The following PACRG variants were observed in gnomAD, a reference collection of about 807,000 sequenced individuals.
PACRG encodes the protein parkin coregulated.
PACRG carries 29 observed loss-of-function variants against 29.7 expected under a neutral mutation model. The observed-to-expected ratio is 0.98, with a 90% CI of 0.73 to 1.33. The LOEUF (loss-of-function observed/expected upper bound fraction) is 1.33, where lower values mean the gene tolerates loss of function less well. Among genes scored for constraint, PACRG ranks in the 40% most tolerant of loss-of-function variants. The pLI is 0.00. For synonymous variants in PACRG, 116 were observed against 118.7 expected, an observed-to-expected ratio of 0.98 and a Z score of 0.15; for missense variants, 279 against 316.2, an observed-to-expected ratio of 0.88 and a Z score of 0.89.
Position 162,808,278 on chromosome 6 carries a change from A to G in PACRG, c.157-5869A>G, listed in dbSNP as rs572477851. Among the ~76,000 whole-genome samples the G allele has an allele frequency of 3.3e-5, 5 of 152,350 alleles. No homozygotes were observed. The South Asian group carries it at 8.3e-4, about 25-fold the overall frequency. On this transcript the variant is annotated intron_variant, in intron 1 of 4. Coordinates refer to ENST00000366888, the MANE Select transcript of PACRG (RefSeq NM_001080379.2). ...CAGGTCTTGCCCACCCGTTTATAAC[A>G]ATGGCGTTTTCATGAATCAGAATTT... is the stretch of plus-strand genomic sequence containing the variant.
chr6:163,009,067 T>G (rs1228925431), intron 2 of PACRG, among the ~76,000 whole-genome samples: 1 of 152,226 alleles, frequency 6.6e-6, no homozygotes, highest in Non-Finnish European at 1.5e-5. Flanking sequence ...GCAAAATTAC[T>G]CTGAATATAA....
chr6:163,139,891 T>C (rs1432863111), intron 4 of PACRG, among the ~76,000 whole-genome samples: 1 of 152,216 alleles, frequency 6.6e-6, no homozygotes, highest in Non-Finnish European at 1.5e-5. Flanking sequence ...CTCAACTGAA[T>C]GTTCTTGCTT....
chr6:163,094,201 T>C (rs1221248201), intron 4 of PACRG, among the ~76,000 whole-genome samples: 1 of 152,258 alleles, frequency 6.6e-6, no homozygotes, highest in African/African-American at 2.4e-5. Flanking sequence ...TTGATGTATG[T>C]AAATGTTATT....
At chr6:162,797,004 C>T (rs889090364) in intron 1 of PACRG, among the ~76,000 whole-genome samples, 3 of 152,332 alleles carry the variant, frequency 2.0e-5, no homozygotes, top group African/African-American at 2.4e-5. Context: ...TGGCTGGGCA[C>T]AGTGGCTCAC....
At chr6:163,293,577 C>T (rs1393642724) in intron 4 of PACRG, among the ~76,000 whole-genome samples, 1 of 152,160 alleles carries the variant, frequency 6.6e-6, no homozygotes, top group Non-Finnish European at 1.5e-5. Context: ...TATTACCTAC[C>T]TACCCATAGT....
intron 2 of PACRG, among the ~76,000 whole-genome samples, chr6:162,884,304 T>G (rs963576136): frequency 1.3e-5 from 2 of 152,190 alleles, no homozygotes; most frequent in African/African-American, 4.8e-5. Flanking sequence ...TTTTTCAAAC[T>G]GTAACAAATC....
Position 163,007,382 on chromosome 6 carries a change from C to G in PACRG, c.292-54768C>G, listed in dbSNP as rs542924324. On this transcript the variant is annotated intron_variant, in intron 2 of 4. Transcript: ENST00000366888. ...ATGCTCTTCATTCCTTTATGTAGCT[C>G]CAGACTTTCATCTGGTGTCATTTTC... Among the ~76,000 whole-genome samples the G allele has an allele frequency of 3.3e-5, 5 of 152,260 alleles. No homozygotes were observed. The South Asian group carries it at 8.3e-4, about 25-fold the overall frequency.
intron 2 of PACRG, among the ~76,000 whole-genome samples, chr6:162,823,581 G>A (rs188155115): frequency 0.024 from 3,540 of 150,064 alleles, 142 homozygotes; most frequent in African/African-American, 0.08. Flanking sequence ...GTGCAATCTC[G>A]GCTCACTGCA....
At chr6:162,792,574 T>C (rs909967644) in intron 1 of PACRG, among the ~76,000 whole-genome samples, 1 of 152,120 alleles carries the variant, frequency 6.6e-6, no homozygotes, top group Non-Finnish European at 1.5e-5. Flanking sequence ...ACACAGGCCC[T>C]GAAATGGGAT....
intron 4 of PACRG, among the ~76,000 whole-genome samples, chr6:163,291,473 G>A (rs1309990633): frequency 2.6e-5 from 4 of 152,238 alleles, no homozygotes; most frequent in Non-Finnish European, 5.9e-5. Flanking sequence ...GCTGGCCTGC[G>A]GGGCATCTGC....
rs142688506 is a variant in PACRG at position 162,930,365 on chromosome 6, A to G, written c.291+116084A>G. On this transcript the variant is annotated intron_variant, in intron 2 of 4. Transcript: ENST00000366888. ...ATTCTTTGTAACTTTTGTAGATGGGATTACTTTCTTGATTTCTTTTTCAGA... is the reference window on the plus strand; with the variant it reads ...ATTCTTTGTAACTTTTGTAGATGGGGTTACTTTCTTGATTTCTTTTTCAGA... Among the ~76,000 whole-genome samples the G allele has an allele frequency of 2.2e-3, 332 of 151,732 alleles. 2 individuals carry two copies. Among genetic ancestry groups the G allele is most frequent in the African/African-American group, 7.5e-3 (312 of 41,436 alleles).
At chr6:162,975,271 A>G (rs1014984225) in intron 2 of PACRG, among the ~76,000 whole-genome samples, 23 of 152,236 alleles carry the variant, frequency 1.5e-4, no homozygotes, top group African/African-American at 5.1e-4. Context: ...CTTAATTATC[A>G]TAGACAGTAC....
intron 4 of PACRG, among the ~76,000 whole-genome samples, chr6:163,274,009 T>A (rs1283749934): frequency 6.6e-6 from 1 of 152,212 alleles, no homozygotes. Context: ...ATCTTTATTA[T>A]GTTGTTTTCT....
intron 2 of PACRG, among the ~76,000 whole-genome samples, chr6:162,924,617 T>C (rs1192538832): frequency 2.0e-5 from 3 of 152,026 alleles, no homozygotes; most frequent in Non-Finnish European, 4.4e-5. Context: ...TTTTATTAAA[T>C]GCTTTTTTTT....
intron 4 of PACRG, among the ~76,000 whole-genome samples, chr6:163,188,925 G>A (rs759950963): frequency 5.9e-5 from 9 of 152,182 alleles, no homozygotes; most frequent in South Asian, 2.1e-4. Flanking sequence ...AGGAATGTAC[G>A]CTAGAACGTG....
intron 4 of PACRG, among the ~76,000 whole-genome samples, chr6:163,228,945 G>GA (rs1247167397): frequency 2.0e-5 from 3 of 152,208 alleles, no homozygotes; most frequent in African/African-American, 7.2e-5. Context: ...CCCTGGACCT[G>GA]AAAATAGGAT....
chr6:163,107,204 T>C (rs772620767), intron 4 of PACRG, among the ~76,000 whole-genome samples: 2 of 152,194 alleles, frequency 1.3e-5, no homozygotes, highest in Non-Finnish European at 2.9e-5. Context: ...GGTTCTTTCA[T>C]ATTTTTTAAA....
chr6:163,195,116 G>A (rs932112772), intron 4 of PACRG, among the ~76,000 whole-genome samples: 5 of 152,174 alleles, frequency 3.3e-5, no homozygotes, highest in African/African-American at 1.2e-4. Context: ...TCAAAAGGAG[G>A]TGATGTTTCC....
At chr6:163,260,238 A>G (rs981839179) in intron 4 of PACRG, among the ~76,000 whole-genome samples, 1 of 152,200 alleles carries the variant, frequency 6.6e-6, no homozygotes, top group Non-Finnish European at 1.5e-5. Context: ...GATCGCTGGC[A>G]TGGGCTCTGC....
Sources: gnomAD v4.1 joint callset for allele counts (sites outside exome capture counted in the v4.1 genomes callset) on GRCh38, gnomAD v4.1.1 for gene constraint, MANE v1.5 for transcripts, NCBI Gene and HGNC (gene_info 2026-07-23, HGNC 2026-07-21) for gene names.